The following IGSF9B variants were observed in gnomAD, a reference collection of about 807,000 sequenced individuals.
IGSF9B encodes immunoglobulin superfamily member 9B, also known as protein turtle homolog B.
IGSF9B carries 48 observed loss-of-function variants against 143.7 expected under a neutral mutation model. The observed-to-expected ratio is 0.33, with a 90% CI of 0.26 to 0.42. The LOEUF (loss-of-function observed/expected upper bound fraction) is 0.42. IGSF9B is among the 20% of genes least tolerant of loss of function. The pLI, the probability that IGSF9B is intolerant of heterozygous loss-of-function variation, is 1.00. For synonymous variants in IGSF9B, 903 were observed against 833.1 expected (o/e 1.08, Z -1.44); for missense variants, 1,706 against 1,980.0 (o/e 0.86, Z 2.63).
chr11:133,920,920 G>C lies in IGSF9B; in HGVS notation c.2805C>G (p.Arg935=), dbSNP rs372637704. 39 of 1,608,768 alleles carry C rather than the reference G, an allele frequency of 2.4e-5. 1 individual carries two copies. The East Asian group carries it at 7.6e-4, about 31-fold the overall frequency. The change falls in exon 18 of 20, where the codon CGC becomes CGG. Residue 935 remains arginine (R), a synonymous_variant. Transcript: ENST00000533871. ...PPAYSPRFQP[R]GLEGPGGLEG... ...CCAGGCCACCGGGGCCCTCCAGCCC[G>C]CGGGGCTGGAACCGAGGGCTGTATG...
rs559996188 is a variant in IGSF9B at position 133,938,755 on chromosome 11, C to G, written c.410-794G>C. 2.8e-3 allele frequency among the ~76,000 whole-genome samples: 434 copies of G among 152,288 alleles called. 1 individual carries two copies. Among genetic ancestry groups the G allele is most frequent in the South Asian group, 0.011 (53 of 4,828 alleles). ...CAGCCCGGAGGCCCACGGCACTAGGCTGGCGCAGGTCAAGCTGAGCTCATC... is the reference window on the plus strand; with the variant it reads ...CAGCCCGGAGGCCCACGGCACTAGGGTGGCGCAGGTCAAGCTGAGCTCATC... On this transcript the variant is annotated intron_variant, in intron 3 of 19. Transcript: ENST00000533871.
chr11:133,917,742 T>G (rs1243477768), intron 18 of IGSF9B, among the ~76,000 whole-genome samples: 1 of 152,018 alleles, frequency 6.6e-6, no homozygotes, highest in Non-Finnish European at 1.5e-5. Flanking sequence ...CGAGAGAGCC[T>G]AATACCACGA....
rs369063193 is a variant in IGSF9B at position 133,936,072 on chromosome 11, C to T, written c.802G>A (p.Glu268Lys). 189 of 1,613,516 alleles carry T rather than the reference C, an allele frequency of 1.2e-4. No individual in the cohort carries two copies. In the East Asian group the frequency reaches 4.0e-3, roughly 34 times the overall value. ...NLTYTWYWQDENVYFQNDLKL... is the reference protein window; with the variant it reads ...NLTYTWYWQDKNVYFQNDLKL... ...GCTCACTTCTGAAAGTAGACGTTCT[C>T]GTCCTGCCAGTACCAGGTGTAGGTG... The change falls in exon 6 of 20, where the codon GAG becomes AAG. Residue 268 changes from glutamate (E) to lysine (K), a missense_variant. By Grantham distance (56) the Glu-to-Lys change is moderately conservative. Coordinates refer to ENST00000533871, the MANE Select transcript of IGSF9B (RefSeq NM_001277285.4).
intron 18 of IGSF9B, among the ~76,000 whole-genome samples, chr11:133,916,351 A>T (rs556453016): frequency 2.0e-4 from 31 of 152,360 alleles, no homozygotes; most frequent in Non-Finnish European, 4.4e-4. Context: ...AAGGGAAAAG[A>T]AACAGTGAGA....
chr11:133,953,978 G>A lies in IGSF9B; in HGVS notation c.64+2713C>T, dbSNP rs1940208437. On this transcript the variant is annotated intron_variant, in intron 1 of 19. Transcript: ENST00000533871. This position sits in a 1 kb window ranked among gnomAD's most constrained non-coding sequence, Gnocchi z 4.2. Reference sequence around the variant, plus strand: ...TCCAACCTCTGTCCCGCACCCGAGGGCTGATGGAGTCGGGTCCCAACACAA... The same window carrying A: ...TCCAACCTCTGTCCCGCACCCGAGGACTGATGGAGTCGGGTCCCAACACAA... 6.6e-6 allele frequency among the ~76,000 whole-genome samples: 1 copy of A among 152,146 alleles called. No individual in the cohort carries two copies. The highest frequency in any genetic ancestry group is 6.5e-5 in the Admixed American group (1 of 15,286).
chr11:133,904,844 A>G lies in IGSF9B; in HGVS notation c.*4225T>C, dbSNP rs531658773. ...CTCCAACTCCCCCTCCTGAAACACC[A>G]GTGCCCCATCCATTACCCTAGTCAA... On this transcript the variant is annotated 3_prime_UTR_variant, in exon 20 of 20. Transcript: ENST00000533871. Among the ~76,000 whole-genome samples, 126 of 151,028 alleles carry G rather than the reference A, an allele frequency of 8.3e-4. No individual in the cohort carries two copies. The highest frequency in any genetic ancestry group is 2.9e-3 in the African/African-American group (120 of 41,014).
intron 18 of IGSF9B, chr11:133,912,346 G>A: frequency 2.0e-6 from 1 of 492,256 alleles, no homozygotes; most frequent in Non-Finnish European, 4.0e-6. Context: ...ACAGAAGTAG[G>A]CTGAACGTCT....
chr11:133,929,721 C>A lies in IGSF9B; in HGVS notation c.1581G>T (p.Val527=), dbSNP rs752936919. 1.7e-5 allele frequency: 27 copies of A among 1,613,844 alleles called. No individual in the cohort carries two copies. Among genetic ancestry groups the A allele is most frequent in the Non-Finnish European group, 2.3e-5 (27 of 1,179,864 alleles). The stretch of plus-strand genomic sequence containing the variant: ...CTCCATCATAGCCTGGTTCCCAGGA[C>A]ACGTTGGCAGTTGTCATGGAGACCT... The part of the protein sequence containing the change: ...RVQVSMTTAN[V]SWEPGYDGGY... Residue 527 remains valine, a synonymous_variant, in exon 12 of 20, where the codon GTG becomes GTT. Transcript: ENST00000533871.
Position 133,913,314 on chromosome 11 carries a change from C to T in IGSF9B, c.3984-1307G>A, listed in dbSNP as rs1382512999. Among the ~76,000 whole-genome samples the T allele has an allele frequency of 2.6e-5, 4 of 151,858 alleles. No homozygotes were observed. The highest frequency in any genetic ancestry group is 6.6e-5 in the Admixed American group (1 of 15,244). On this transcript the variant is annotated intron_variant, in intron 18 of 19. Transcript: ENST00000533871. The surrounding 1 kb of genome is among the most constrained non-coding windows in gnomAD (Gnocchi z 4.6). ...AAAGAAGACCCCAAAGGTCAGCAAG[C>T]GGTCTGAGGTTAAAAAAAAAAATGT...
Position 133,903,898 on chromosome 11 carries a change from C to T in IGSF9B, c.*5171G>A, listed in dbSNP as rs1939176525. 6.6e-6 allele frequency among the ~76,000 whole-genome samples: 1 copy of T among 152,100 alleles called. No individual in the cohort carries two copies. The highest frequency in any genetic ancestry group is 2.4e-5 in the African/African-American group (1 of 41,412). On this transcript the variant is annotated 3_prime_UTR_variant, in exon 20 of 20. Transcript: ENST00000533871. ...GCGAAAGTCCAATCTGGGCTTTGATCCTTGGTTTACTGACTTCTTCTAAAG... is the reference window on the plus strand; with the variant it reads ...GCGAAAGTCCAATCTGGGCTTTGATTCTTGGTTTACTGACTTCTTCTAAAG...
rs1565454881 is a variant in IGSF9B, at chr11:133,953,788, C to CG, written c.64+2902dup. Among the ~76,000 whole-genome samples, 1 of 152,172 alleles carries CG rather than the reference C, an allele frequency of 6.6e-6. No homozygotes were observed. Among genetic ancestry groups the CG allele is most frequent in the Non-Finnish European group, 1.5e-5 (1 of 68,030 alleles). On this transcript the variant is annotated intron_variant, in intron 1 of 19. Coordinates refer to ENST00000533871, the MANE Select transcript of IGSF9B (RefSeq NM_001277285.4). The surrounding 1 kb of genome is among the most constrained non-coding windows in gnomAD (Gnocchi z 4.2). The stretch of plus-strand genomic sequence containing the variant: ...TCCTCCCACAGAGTAGGAACTCCCC[C>CG]GGGCTGGCTCAGCAGCCGTCTGAGA...
Position 133,926,382 on chromosome 11 carries a change from G to A in IGSF9B, c.1808-417C>T, listed in dbSNP as rs191742918. ...TCCACCTTGGCGGCCGCTCAGGAGC[G>A]GATTCTGGGAAAGGGGCTGGAGTCG... On this transcript the variant is annotated intron_variant, in intron 13 of 19. Coordinates refer to ENST00000533871, the MANE Select transcript of IGSF9B (RefSeq NM_001277285.4). Among the ~76,000 whole-genome samples, 299 of 152,328 alleles carry A rather than the reference G, an allele frequency of 2.0e-3. 3 individuals carry two copies. The highest frequency in any genetic ancestry group is 6.2e-3 in the African/African-American group (259 of 41,580).
At chr11:133,937,347 G>T (rs1015565900) in intron 5 of IGSF9B, 29 bp downstream of exon 5, 2 of 1,542,674 alleles carry the variant, frequency 1.3e-6, no homozygotes, top group African/African-American at 1.4e-5. Flanking sequence ...GGAGCCCAGG[G>T]TTAAAGAGGC....
At chr11:133,916,771 G>C (rs960438368) in intron 18 of IGSF9B, among the ~76,000 whole-genome samples, 1 of 152,188 alleles carries the variant, frequency 6.6e-6, no homozygotes. Context: ...AGGAGCTGGG[G>C]TGAGAGCTAG....
chr11:133,931,147 G>A lies in IGSF9B; in HGVS notation c.1369-13C>T, dbSNP rs1403721863. On this transcript the variant is annotated splice_polypyrimidine_tract_variant and intron_variant, in intron 10 of 19. Transcript: ENST00000533871. The surrounding 1 kb of genome is among the most constrained non-coding windows in gnomAD (Gnocchi z 7.7). ...TGGGCTTCCCTACCTTGGTGAACAA[G>A]GGGCAGGGAAGAGGGTGGGAACAGA... is the stretch of plus-strand genomic sequence containing the variant. The A allele has an allele frequency of 6.2e-7, 1 of 1,607,652 alleles. No homozygotes were observed. The highest frequency in any genetic ancestry group is 1.7e-5 in the Admixed American group (1 of 59,526).
In IGSF9B at chr11:133,931,018, C is replaced by A. The variant is rs986485570; in HGVS notation, c.1485G>T (p.Thr495=). The change falls in exon 11 of 20, where the codon ACG becomes ACT. Residue 495 remains threonine, a synonymous_variant. Transcript: ENST00000533871. This position sits in a 1 kb window ranked among gnomAD's most constrained non-coding sequence, Gnocchi z 7.7. ...TGAGGTGGGTGCTGGCAGTGATGCT[C>A]GTGACCACGTTGGTGGCGACACATT... The part of the protein sequence containing the change: ...EWECVATNVV[T]SITASTHLTV... 2 of 1,613,360 alleles carry A rather than the reference C, an allele frequency of 1.2e-6. No homozygotes were observed. Among genetic ancestry groups the A allele is most frequent in the East Asian group, 2.2e-5 (1 of 44,854 alleles).
intron 1 of IGSF9B, among the ~76,000 whole-genome samples, chr11:133,955,877 G>A (rs1463373525): frequency 6.6e-6 from 1 of 151,956 alleles, no homozygotes; most frequent in Non-Finnish European, 1.5e-5. Context: ...TCACAGCGTG[G>A]GGACCCCCCC....
chr11:133,938,094 T>C, intron 3 of IGSF9B, 133 bp from the exon 4 acceptor site: 1 of 1,015,872 alleles, frequency 9.8e-7, no homozygotes, highest in Non-Finnish European at 1.4e-6. Flanking sequence ...AAGGTGGGGA[T>C]GGGAAAAACT....
intron 7 of IGSF9B, 86 bp from the exon 8 acceptor site, chr11:133,932,299 G>A: frequency 7.1e-7 from 1 of 1,406,196 alleles, no homozygotes; most frequent in South Asian, 1.4e-5. Flanking sequence ...ACAGACACAG[G>A]GACAGACAGA....
Sources: allele counts gnomAD v4.1 joint callset (sites outside exome capture counted in the v4.1 genomes callset), GRCh38; gene constraint gnomAD v4.1.1; non-coding constraint Gnocchi (gnomAD v3.1); transcripts MANE v1.5; gene names NCBI Gene and HGNC (gene_info 2026-07-23, HGNC 2026-07-21).